PLXDC2: variants seen among roughly 807,000 people sequenced by gnomAD.
The protein encoded by PLXDC2 is plexin domain-containing protein 2.
In PLXDC2, 40 loss-of-function variants were observed where a neutral mutation model predicts 68.9. The ratio of observed to expected loss-of-function variants is 0.58; its 90% CI spans 0.45 to 0.76. PLXDC2 has a LOEUF of 0.76. Ranked by LOEUF, PLXDC2 falls within the 30% of genes least tolerant of loss-of-function variation. The probability of loss-of-function intolerance (pLI) is 0.00; values close to 1 mark genes in which losing one functional copy is unlikely to be tolerated. For missense variants in PLXDC2, 644 were observed against 661.9 expected, an observed-to-expected ratio of 0.97 and a Z score of 0.30; for synonymous variants, 243 against 234.2, an observed-to-expected ratio of 1.04 and a Z score of -0.34.
At chr10:20,038,090 G>T (rs1003268576) in intron 2 of PLXDC2, among the ~76,000 whole-genome samples, 9 of 151,936 alleles carry the variant, frequency 5.9e-5, no homozygotes, top group Admixed American at 3.3e-4. Context: ...AAAAAAATTA[G>T]CCGGAAGTGG....
chr10:20,004,994 T>C (rs1384328111), intron 2 of PLXDC2, among the ~76,000 whole-genome samples: 1 of 152,214 alleles, frequency 6.6e-6, no homozygotes, highest in Non-Finnish European at 1.5e-5. Flanking sequence ...GAAAGATTTG[T>C]GTCCCTGTGT....
At chr10:20,141,241 G>T (rs2131788551) in intron 4 of PLXDC2, among the ~76,000 whole-genome samples, 1 of 151,790 alleles carries the variant, frequency 6.6e-6, no homozygotes, top group South Asian at 2.1e-4. Context: ...GCAGTTTCTT[G>T]GCAAATCTAT....
Position 20,045,432 on chromosome 10 carries a change from A to C in PLXDC2, c.325-1437A>C, listed in dbSNP as rs895394101. On this transcript the variant is annotated intron_variant, in intron 2 of 13. Coordinates refer to ENST00000377252, the MANE Select transcript of PLXDC2 (RefSeq NM_032812.9). ...GTGATCCGCCCGCCTTGGCTTCCCA[A>C]AGTGCTGGGATTACAGGCATGAGCC... Among the ~76,000 whole-genome samples the C allele has an allele frequency of 5.9e-5, 9 of 152,296 alleles. No individual in the cohort carries two copies. The East Asian group carries it at 1.7e-3, about 29-fold the overall frequency.
At chr10:20,050,827 G>A (rs1024305333) in intron 3 of PLXDC2, among the ~76,000 whole-genome samples, 2 of 152,136 alleles carry the variant, frequency 1.3e-5, no homozygotes, top group Admixed American at 6.6e-5. Flanking sequence ...GAAGTATGGC[G>A]ATTCCTCAAA....
intron 12 of PLXDC2, among the ~76,000 whole-genome samples, chr10:20,242,866 A>C (rs2253500): frequency 0.88 from 133,455 of 152,092 alleles, 59,049 homozygotes; most frequent in Middle Eastern, 0.95. Flanking sequence ...CCCGCCACCA[A>C]GCCTGGCTAA....
chr10:20,027,640 G>A (rs1307643140), intron 2 of PLXDC2, among the ~76,000 whole-genome samples: 1 of 150,338 alleles, frequency 6.7e-6, no homozygotes, highest in Non-Finnish European at 1.5e-5. Context: ...CTTGTCCATT[G>A]CACTTTTGAA....
chr10:20,077,767 G>A (rs1269130268), intron 4 of PLXDC2, among the ~76,000 whole-genome samples: 1 of 152,100 alleles, frequency 6.6e-6, no homozygotes, highest in Non-Finnish European at 1.5e-5. Flanking sequence ...ATTAGATTTT[G>A]TAAACAAAAG....
intron 1 of PLXDC2, among the ~76,000 whole-genome samples, chr10:19,868,965 T>A (rs1837479513): frequency 3.3e-5 from 5 of 152,216 alleles, no homozygotes; most frequent in Admixed American, 3.3e-4. Context: ...CGGTGATAAT[T>A]TTTTTGTTAA....
chr10:20,001,372 C>A (rs1834934464), intron 1 of PLXDC2, among the ~76,000 whole-genome samples: 1 of 152,006 alleles, frequency 6.6e-6, no homozygotes, highest in South Asian at 2.1e-4. Context: ...TGAGGTCTGA[C>A]TTTTATTTTC....
Position 20,217,595 on chromosome 10 carries a change from G to GTTTT in PLXDC2, c.1273+19_1273+20insTTTT. ...ACAGAAGGTACCCAAGAGATAGTTT[G>GTTTT]CTTTTTTTTTTTTTTTTTTTTTTTT... On this transcript the variant is annotated intron_variant, in intron 11 of 13. Coordinates refer to ENST00000377252, the MANE Select transcript of PLXDC2 (RefSeq NM_032812.9). 6 of 262,538 alleles carry GTTTT rather than the reference G, an allele frequency of 2.3e-5. No individual in the cohort carries two copies. The highest frequency in any genetic ancestry group is 3.1e-5 in the Non-Finnish European group (6 of 190,500). 16.3% of individuals were successfully genotyped at this position (262,538 alleles called of 1,614,324 possible).
chr10:20,139,731 A>G (rs534212287), intron 4 of PLXDC2, among the ~76,000 whole-genome samples: 1 of 151,938 alleles, frequency 6.6e-6, no homozygotes, highest in Non-Finnish European at 1.5e-5. Flanking sequence ...GGAAACCATC[A>G]TTCTCAGCAA....
chr10:19,820,472 A>C (rs1444057948), intron 1 of PLXDC2, among the ~76,000 whole-genome samples: 1 of 151,732 alleles, frequency 6.6e-6, no homozygotes, highest in African/African-American at 2.4e-5. Context: ...TCTACTAAAA[A>C]TACAAAAAAA....
At chr10:20,127,359 A>G (rs113892289) in intron 4 of PLXDC2, among the ~76,000 whole-genome samples, 4,419 of 152,322 alleles carry the variant, frequency 0.029, 88 homozygotes, top group South Asian at 0.073. Flanking sequence ...CATGGAAAAC[A>G]AAAACATTTC....
intron 3 of PLXDC2, among the ~76,000 whole-genome samples, chr10:20,051,697 A>G (rs1265476145): frequency 6.6e-6 from 1 of 151,904 alleles, no homozygotes; most frequent in African/African-American, 2.4e-5. Context: ...TTATTAGTAT[A>G]AAAAACAAAT....
chr10:20,203,481 T>G (rs1319699690), intron 9 of PLXDC2, among the ~76,000 whole-genome samples: 1 of 151,908 alleles, frequency 6.6e-6, no homozygotes, highest in African/African-American at 2.4e-5. Context: ...ATTTTTCTTT[T>G]TCTTTTTTTT....
chr10:19,913,854 A>G (rs549561940), intron 1 of PLXDC2, among the ~76,000 whole-genome samples: 1 of 152,284 alleles, frequency 6.6e-6, no homozygotes, highest in South Asian at 2.1e-4. Flanking sequence ...GTGGAAATAG[A>G]AAAGTTAATT....
intron 4 of PLXDC2, among the ~76,000 whole-genome samples, chr10:20,090,133 A>G (rs1024402388): frequency 5.9e-5 from 9 of 152,186 alleles, no homozygotes; most frequent in Non-Finnish European, 1.0e-4. Flanking sequence ...GAGCCCACAG[A>G]TGTTCATGGT....
At chr10:19,966,202 C>CAT (rs951197397) in intron 1 of PLXDC2, among the ~76,000 whole-genome samples, 4 of 131,242 alleles carry the variant, frequency 3.0e-5, no homozygotes, top group African/African-American at 9.9e-5. Flanking sequence ...TACTCATGCA[C>CAT]ATATATATAC....
chr10:19,875,021 A>T (rs1463056559), intron 1 of PLXDC2, among the ~76,000 whole-genome samples: 1 of 152,092 alleles, frequency 6.6e-6, no homozygotes, highest in African/African-American at 2.4e-5. Flanking sequence ...CATCGAAATG[A>T]CTTCTCTGGC....
Sources: gnomAD v4.1 joint callset for allele counts (sites outside exome capture counted in the v4.1 genomes callset) on GRCh38, gnomAD v4.1.1 for gene constraint, MANE v1.5 for transcripts, NCBI Gene and HGNC (gene_info 2026-07-23, HGNC 2026-07-21) for gene names.